Variants in OCA2 observed in about 807,000 individuals in gnomAD.
The protein encoded by OCA2 is P protein.
Under a neutral mutation model 100.2 loss-of-function variants are expected in OCA2, and 77 were observed. The observed-to-expected ratio is 0.77, with a 90% CI of 0.64 to 0.93. OCA2 has a LOEUF of 0.93. Among genes scored for constraint, OCA2 ranks in the 40% least tolerant of loss-of-function variants. The pLI is 0.00. For synonymous variants in OCA2, 432 were observed against 439.2 expected, an observed-to-expected ratio of 0.98 and a Z score of 0.21; for missense variants, 1,062 against 1,089.1, an observed-to-expected ratio of 0.98 and a Z score of 0.35.
chr15:27,997,086 G>GAAAGAAAGAAAGAC, intron 9 of OCA2, among the ~76,000 whole-genome samples: 1 of 113,460 alleles, frequency 8.8e-6, no homozygotes, highest in Admixed American at 9.2e-5. Flanking sequence ...GAAAGAGAGA[G>GAAAGAAAGAAAGAC]AAAGAAAGAA....
intron 9 of OCA2, among the ~76,000 whole-genome samples, chr15:28,001,597 T>G (rs2041927696): frequency 6.6e-6 from 1 of 152,150 alleles, no homozygotes; most frequent in Non-Finnish European, 1.5e-5. Context: ...TCTTTCCTTG[T>G]GTGTCTGTGA....
intron 18 of OCA2, among the ~76,000 whole-genome samples, chr15:27,935,809 T>C (rs1476147815): frequency 6.6e-6 from 1 of 152,266 alleles, no homozygotes; most frequent in Non-Finnish European, 1.5e-5. Flanking sequence ...ATTTGAAACC[T>C]TGTCATCTTT....
At chr15:27,871,986 A>C (rs1362930514) in intron 19 of OCA2, 64 bp from the exon 20 acceptor site, 3 of 1,229,462 alleles carry the variant, frequency 2.4e-6, no homozygotes, top group East Asian at 4.6e-5. Flanking sequence ...GATTTAAAAA[A>C]AAAGTCTTGA....
At chr15:28,077,867 G>C (rs551834986) in intron 2 of OCA2, among the ~76,000 whole-genome samples, 11 of 152,286 alleles carry the variant, frequency 7.2e-5, no homozygotes, top group African/African-American at 2.4e-4. Context: ...GGATCACGAG[G>C]TCAGGAGATC....
intron 19 of OCA2, among the ~76,000 whole-genome samples, chr15:27,874,982 G>A (rs968172530): frequency 7.2e-5 from 11 of 152,072 alleles, no homozygotes; most frequent in Admixed American, 5.2e-4. Context: ...TATACACAAT[G>A]GGAAATATGA....
chr15:27,899,382 G>A (rs1349546132), intron 19 of OCA2, among the ~76,000 whole-genome samples: 1 of 152,102 alleles, frequency 6.6e-6, no homozygotes, highest in African/African-American at 2.4e-5. Flanking sequence ...CCGGAGAAGG[G>A]GAAATTATTC....
chr15:27,827,232 T>C (rs1453971038), intron 23 of OCA2, among the ~76,000 whole-genome samples: 7 of 152,174 alleles, frequency 4.6e-5, no homozygotes, highest in Non-Finnish European at 1.0e-4. Context: ...CATCGAGTCA[T>C]GCAGGAGTCA....
chr15:27,738,720 C>CA, the OCA2 span, among the ~76,000 whole-genome samples: 75 of 142,720 alleles, frequency 5.3e-4, no homozygotes, highest in East Asian at 8.3e-4. Context: ...GACTCGGTCT[C>CA]AGAAAAAAAA....
chr15:27,813,863 G>T (rs539708663), intron 23 of OCA2, among the ~76,000 whole-genome samples: 1 of 152,260 alleles, frequency 6.6e-6, no homozygotes, highest in South Asian at 2.1e-4. Context: ...ATAGAGAAAA[G>T]ATGAAGACAG....
chr15:27,898,511 C>G (rs1462374385), intron 19 of OCA2, among the ~76,000 whole-genome samples: 2 of 152,178 alleles, frequency 1.3e-5, no homozygotes, highest in Non-Finnish European at 2.9e-5. Flanking sequence ...TCGTCTTTTG[C>G]CATGATTGTG....
chr15:27,725,820 T>C, the OCA2 span, among the ~76,000 whole-genome samples: 1,967 of 152,164 alleles, frequency 0.013, 49 homozygotes, highest in African/African-American at 0.045. Context: ...TCAGCTTTTT[T>C]CCTTGCTTTC....
chr15:28,065,598 C>T (rs924030600), intron 2 of OCA2, among the ~76,000 whole-genome samples: 30 of 152,042 alleles, frequency 2.0e-4, no homozygotes, highest in Non-Finnish European at 3.4e-4. Flanking sequence ...TTGTTTTCAA[C>T]GTTTCTGGGG....
At chr15:27,972,407 T>A (rs143819743) in intron 14 of OCA2, among the ~76,000 whole-genome samples, 2 of 152,248 alleles carry the variant, frequency 1.3e-5, no homozygotes, top group Non-Finnish European at 2.9e-5. Flanking sequence ...TACTTTTAGT[T>A]CATTGAGAAA....
Position 28,097,536 on chromosome 15 carries a change from C to T in OCA2, c.-22+1688G>A, listed in dbSNP as rs115719457. 9.2e-3 allele frequency among the ~76,000 whole-genome samples: 1,403 copies of T among 152,322 alleles called. 30 individuals carry two copies. Among genetic ancestry groups the T allele is most frequent in the African/African-American group, 0.032 (1,347 of 41,586 alleles). ...TCTGTGGTAGCCTTTATCTCCATTGCAAGCCATCTTTCCACTACTAACAGT... is the reference window on the plus strand; with the variant it reads ...TCTGTGGTAGCCTTTATCTCCATTGTAAGCCATCTTTCCACTACTAACAGT... On this transcript the variant is annotated intron_variant, in intron 1 of 23. Coordinates refer to ENST00000354638, the MANE Select transcript of OCA2 (RefSeq NM_000275.3).
chr15:27,878,038 TACTC>T, intron 19 of OCA2, among the ~76,000 whole-genome samples: 1 of 151,522 alleles, frequency 6.6e-6, no homozygotes, highest in South Asian at 2.1e-4. Flanking sequence ...TTTTAGTACT[TACTC>T]CGTGAATTAA....
chr15:27,809,382 A>G lies in OCA2; in HGVS notation c.2432+35577T>C, dbSNP rs372176529. Among the ~76,000 whole-genome samples the G allele has an allele frequency of 1.1e-4, 17 of 152,286 alleles. No individual in the cohort carries two copies. In the East Asian group the frequency reaches 2.7e-3, roughly 24 times the overall value. ...GGCATAGAAGGGACTTAAATTAATA[A>G]AAGCGATATATGACCAACCCATAGC... On this transcript the variant is annotated intron_variant, in intron 23 of 23. Transcript: ENST00000354638.
At chr15:27,861,396 C>T (rs920164973) in intron 21 of OCA2, among the ~76,000 whole-genome samples, 25 of 152,244 alleles carry the variant, frequency 1.6e-4, no homozygotes, top group African/African-American at 5.1e-4. Flanking sequence ...CTCTGGGGAG[C>T]AGCCCAGGAG....
intron 13 of OCA2, among the ~76,000 whole-genome samples, chr15:27,984,097 T>G (rs1423972916): frequency 6.6e-6 from 1 of 151,760 alleles, no homozygotes; most frequent in Non-Finnish European, 1.5e-5. Flanking sequence ...ATCAATCTGT[T>G]CTTTACCCTG....
intron 18 of OCA2, among the ~76,000 whole-genome samples, chr15:27,946,829 T>C (rs2039855577): frequency 6.6e-6 from 1 of 152,216 alleles, no homozygotes; most frequent in Non-Finnish European, 1.5e-5. Context: ...TCTAAAGTGT[T>C]ATTCTCATTT....
Sources: gnomAD v4.1 joint callset for allele counts (sites outside exome capture counted in the v4.1 genomes callset) on GRCh38, gnomAD v4.1.1 for gene constraint, MANE v1.5 for transcripts, NCBI Gene and HGNC (gene_info 2026-07-23, HGNC 2026-07-21) for gene names.